Variants in LILRB4 observed in about 807,000 individuals in gnomAD.
LILRB4 encodes the protein leukocyte immunoglobulin like receptor B4.
LILRB4 carries 49 observed loss-of-function variants against 55.2 expected under a neutral mutation model. The ratio of observed to expected loss-of-function variants is 0.89; its 90% confidence interval spans 0.71 to 1.13. The LOEUF is 1.13. Ranked by LOEUF, LILRB4 falls within the 50% of genes most tolerant of loss-of-function variation. The pLI is 0.00. For missense variants in LILRB4, 590 were observed against 555.2 expected (o/e 1.06, Z -0.63); for synonymous variants, 229 against 213.8 (o/e 1.07, Z -0.62).
exon 5 of LILRB4, chr19:54,664,817 G>C (rs1278837696): frequency 6.2e-7 from 1 of 1,606,114 alleles, no homozygotes; most frequent in African/African-American, 1.3e-5. Context: ...GAGGGTCCCA[G>C]GCCCTCACCC....
exon 3 of LILRB4, chr19:54,663,969 T>C (rs1417713355): frequency 1.9e-6 from 3 of 1,614,108 alleles, no homozygotes; most frequent in Non-Finnish European, 2.5e-6. Context: ...TGCAGGGAGA[T>C]ACCGCTGTTA....
At chr19:54,667,017 G>A (rs982171055) in intron 10 of LILRB4, 28 of 678,080 alleles carry the variant, frequency 4.1e-5, no homozygotes, top group Middle Eastern at 3.8e-4. Context: ...GGAGGATGAC[G>A]AATAAATGAA....
chr19:54,664,130 G>C, intron 3 of LILRB4, 56 bp from the exon 4 acceptor site: 1 of 1,592,302 alleles, frequency 6.3e-7, no homozygotes, highest in Non-Finnish European at 8.6e-7. Context: ...GCCCAGCCCT[G>C]GGGATGATGT....
chr19:54,664,456 C>G, exon 4 of LILRB4: 1 of 1,610,134 alleles, frequency 6.2e-7, no homozygotes, highest in Non-Finnish European at 8.5e-7. Context: ...CTGTCACACC[C>G]CAGTGACCCC....
chr19:54,666,027 C>G lies in LILRB4; in HGVS notation c.874+96C>G, dbSNP rs1173611073. On this transcript the variant is annotated intron_variant, in intron 7 of 11. Transcript: ENST00000430952. The surrounding 1 kb of genome is among the most constrained non-coding windows in gnomAD (Gnocchi z 4.8). ...GATAGGAGAGGTCATCTTAGAAACT[C>G]TGCTCCAGAAATTCCCAGTGAGAAA... 6.7e-7 allele frequency: 1 copy of G among 1,491,514 alleles called. No individual in the cohort carries two copies. The allele number at this position is 1,491,514 out of a possible 1,614,324, so 92.4% of individuals were successfully genotyped here.
chr19:54,663,132 C>A (rs1568636968), intron 1 of LILRB4, 65 bp downstream of exon 1: 8 of 1,564,856 alleles, frequency 5.1e-6, no homozygotes, highest in Non-Finnish European at 8.7e-7. Flanking sequence ...CAGCCAGGCC[C>A]TGGTTCTTTA....
At position 54,666,343 on chromosome 19, in the gene LILRB4, C is replaced by T. The variant is rs202189997; in HGVS notation, c.950+28C>T. ...AATTCTGCCCAAAGACCTCAGACTC[C>T]CACCCATCCCAACAGCCACCTCACT... On this transcript the variant is annotated intron_variant, in intron 8 of 11. Transcript: ENST00000430952. The surrounding 1 kb of genome is among the most constrained non-coding windows in gnomAD (Gnocchi z 4.8). 1 of 1,610,268 alleles carries T rather than the reference C, an allele frequency of 6.2e-7. No individual in the cohort carries two copies. The highest frequency in any genetic ancestry group is 1.3e-5 in the African/African-American group (1 of 74,942).
chr19:54,667,736 G>C, exon 11 of LILRB4: 1 of 1,611,424 alleles, frequency 6.2e-7, no homozygotes, highest in Non-Finnish European at 8.5e-7. Flanking sequence ...CACTGTCTGG[G>C]GAATTCCTGG....
rs777315383 is a variant in LILRB4 at position 54,666,246 on chromosome 19, G to A, written c.881G>A (p.Arg294Lys). The A allele has an allele frequency of 1.9e-6, 3 of 1,601,290 alleles. No individual in the cohort carries two copies. The highest frequency in any genetic ancestry group is 1.7e-5 in the Admixed American group (1 of 58,474). ...TCTGTCCATCTTCCCCCAGCCCAGA[G>A]ACAGGCTGATTTCCAACGTCCTCCA... Residue 294 changes from arginine (R) to lysine (K), a missense_variant, in exon 8 of 12, where the codon AGA becomes AAA. Physicochemically the swap from Arg to Lys is conservative, Grantham distance 26 (BLOSUM62 2). Coordinates refer to ENST00000430952, the Ensembl canonical transcript of LILRB4. The surrounding 1 kb of genome is among the most constrained non-coding windows in gnomAD (Gnocchi z 4.8).
chr19:54,668,032 C>G (rs553229488), exon 12 of LILRB4: 1 of 1,613,782 alleles, frequency 6.2e-7, no homozygotes, highest in Non-Finnish European at 8.5e-7. Context: ...CAGGGGGGAC[C>G]CAGACCCCAC....
downstream of LILRB4, chr19:54,668,548 A>G (rs921209316): frequency 2.0e-5 from 3 of 152,896 alleles, no homozygotes; most frequent in Admixed American, 2.0e-4. Flanking sequence ...CAGCAATTCT[A>G]TGCTGACATA....
intron 4 of LILRB4, 108 bp downstream of exon 4, chr19:54,664,593 A>C: frequency 8.0e-7 from 1 of 1,253,698 alleles, no homozygotes; most frequent in African/African-American, 1.5e-5. Flanking sequence ...CCAGTGGGGG[A>C]CTCAGCCCTC....
At chr19:54,663,498 C>T (rs191964304) in intron 1 of LILRB4, 34 bp from the exon 2 acceptor site, 6 of 1,610,952 alleles carry the variant, frequency 3.7e-6, no homozygotes, top group South Asian at 2.2e-5. Context: ...CTCAGGCTTC[C>T]GGGGCAAATC....
In LILRB4 at chr19:54,665,987, GC is replaced by G; in HGVS notation, c.874+58del. The G allele has an allele frequency of 1.2e-6, 2 of 1,607,674 alleles. No homozygotes were observed. Among genetic ancestry groups the G allele is most frequent in the Non-Finnish European group, 8.5e-7 (1 of 1,175,532 alleles). ...GATGGAGGGTGGGCTCAGGGCACCAGCCAAAGGGACTCCAGATAGGAGAGGT... is the reference window on the plus strand; with the variant it reads ...GATGGAGGGTGGGCTCAGGGCACCAGCAAAGGGACTCCAGATAGGAGAGGT... On this transcript the variant is annotated intron_variant, in intron 7 of 11. Transcript: ENST00000430952. The surrounding 1 kb of genome is among the most constrained non-coding windows in gnomAD (Gnocchi z 5.5).
rs375745901 is a variant in LILRB4, at chr19:54,667,380, G to A, written c.1042-258G>A. 565 of 690,986 alleles carry A rather than the reference G, an allele frequency of 8.2e-4. 3 individuals carry two copies. The highest frequency in any genetic ancestry group is 2.2e-3 in the South Asian group (113 of 51,522). The allele number at this position is 690,986 out of a possible 1,614,324, so 42.8% of individuals were successfully genotyped here. ...GCCCCTGCAGGCAGAGGAAACAGCC[G>A]TGCAAAGGCCCCGAGGCAGCAGCGA... On this transcript the variant is annotated intron_variant, in intron 10 of 11. Transcript: ENST00000430952.
exon 1 of LILRB4, chr19:54,663,027 A>C: frequency 6.2e-7 from 1 of 1,613,782 alleles, no homozygotes; most frequent in African/African-American, 1.3e-5. Flanking sequence ...CCCTGGGAGG[A>C]GACGCCATGA....
intron 3 of LILRB4, 35 bp downstream of exon 3, chr19:54,664,073 C>G (rs1210626636): frequency 7.5e-6 from 12 of 1,609,442 alleles, no homozygotes; most frequent in Non-Finnish European, 9.3e-6. Flanking sequence ...GCCCCAGGCT[C>G]TGCCCTCAGG....
exon 12 of LILRB4, chr19:54,668,005 C>T (rs184098054): frequency 1.2e-6 from 2 of 1,614,044 alleles, no homozygotes; most frequent in East Asian, 4.5e-5. Flanking sequence ...CTATGCCACT[C>T]TGGCCATCCA....
Position 54,665,654 on chromosome 19 carries a change from A to G in LILRB4, c.758-161A>G. 1 of 953,214 alleles carries G rather than the reference A, an allele frequency of 1.0e-6. No homozygotes were observed. Among genetic ancestry groups the G allele is most frequent in the Non-Finnish European group, 1.7e-6 (1 of 605,798 alleles). The allele number at this position is 953,214 out of a possible 1,614,324, so 59.0% of individuals were successfully genotyped here. ...CCCCTCTCTGAGCCTCAGTTTGTGC[A>G]TCTGTGAAATGGGTGGAGAGAGGGT... On this transcript the variant is annotated intron_variant, in intron 6 of 11. Coordinates refer to ENST00000430952, the Ensembl canonical transcript of LILRB4. This position sits in a 1 kb window ranked among gnomAD's most constrained non-coding sequence, Gnocchi z 5.5.
Sources: gnomAD v4.1 joint callset for allele counts on GRCh38, gnomAD v4.1.1 for gene constraint, Gnocchi (gnomAD v3.1) non-coding constraint, MANE v1.5 for transcripts, NCBI Gene and HGNC (gene_info 2026-07-23, HGNC 2026-07-21) for gene names.